Variants in PARD3 observed in about 807,000 individuals in gnomAD.
The protein encoded by PARD3 is partitioning defective 3 homolog.
Under a neutral mutation model 155.4 loss-of-function variants are expected in PARD3, and 75 were observed. The observed-to-expected ratio is 0.48, with a 90% CI of 0.40 to 0.58. The LOEUF (loss-of-function observed/expected upper bound fraction) is 0.58, where lower values mean the gene tolerates loss of function less well. PARD3 is among the 20% of genes least tolerant of loss of function. PARD3 has a pLI of 0.00. For synonymous variants in PARD3, 576 were observed against 610.5 expected (o/e 0.94, Z 0.83); for missense variants, 1,642 against 1,721.7 (o/e 0.95, Z 0.82).
intron 12 of PARD3, among the ~76,000 whole-genome samples, chr10:34,365,063 T>TA (rs996379036): frequency 3.3e-5 from 5 of 152,312 alleles, no homozygotes; most frequent in African/African-American, 1.2e-4. Flanking sequence ...CTGGTGAATG[T>TA]AAAAAAATGG....
At chr10:34,297,276 C>G (rs1956952597) in intron 20 of PARD3, among the ~76,000 whole-genome samples, 1 of 152,214 alleles carries the variant, frequency 6.6e-6, no homozygotes, top group South Asian at 2.1e-4. Flanking sequence ...GCACTTCAGT[C>G]TCAGTGACAA....
chr10:34,276,549 C>T (rs1386643049), intron 21 of PARD3, among the ~76,000 whole-genome samples: 2 of 152,096 alleles, frequency 1.3e-5, no homozygotes, highest in Non-Finnish European at 2.9e-5. Flanking sequence ...TTTGCTTTTA[C>T]AATAAATGGC....
intron 9 of PARD3, among the ~76,000 whole-genome samples, chr10:34,382,094 C>T (rs1841921994): frequency 6.6e-6 from 1 of 152,130 alleles, no homozygotes; most frequent in Non-Finnish European, 1.5e-5. Context: ...TCCCTCCCCA[C>T]ATCAAATACT....
chr10:34,665,381 G>A (rs777042171), intron 2 of PARD3, among the ~76,000 whole-genome samples: 1 of 151,700 alleles, frequency 6.6e-6, no homozygotes, highest in Admixed American at 6.6e-5. Context: ...ATAGCCAGGC[G>A]TGGTGGCACA....
At chr10:34,607,091 T>C (rs1174924910) in intron 2 of PARD3, among the ~76,000 whole-genome samples, 1 of 151,462 alleles carries the variant, frequency 6.6e-6, no homozygotes, top group African/African-American at 2.4e-5. Flanking sequence ...TCAGCACAAA[T>C]CTTAATCTTT....
At chr10:34,571,309 G>A (rs903918850) in intron 2 of PARD3, among the ~76,000 whole-genome samples, 14 of 152,182 alleles carry the variant, frequency 9.2e-5, no homozygotes, top group Non-Finnish European at 1.8e-4. Context: ...GGAAGACCCC[G>A]TCTTAAAAAC....
At chr10:34,255,609 C>T (rs571943875) in intron 22 of PARD3, among the ~76,000 whole-genome samples, 1 of 152,312 alleles carries the variant, frequency 6.6e-6, no homozygotes, top group South Asian at 2.1e-4. Context: ...GGTTGTCATG[C>T]AGATTTATCT....
intron 5 of PARD3, among the ~76,000 whole-genome samples, chr10:34,403,679 T>A (rs956385290): frequency 1.3e-5 from 2 of 152,176 alleles, no homozygotes; most frequent in African/African-American, 2.4e-5. Flanking sequence ...TGAGAGGCTC[T>A]AATATGTACT....
intron 3 of PARD3, among the ~76,000 whole-genome samples, chr10:34,480,238 C>T (rs2078987842): frequency 1.3e-5 from 2 of 152,146 alleles, no homozygotes. Flanking sequence ...CCTTGCTTCT[C>T]CTTTTTTGTC....
intron 18 of PARD3, among the ~76,000 whole-genome samples, chr10:34,333,577 T>C (rs994627062): frequency 5.9e-5 from 9 of 152,152 alleles, no homozygotes; most frequent in Admixed American, 5.2e-4. Flanking sequence ...TGAAAACTTT[T>C]ACAATAAAAA....
At chr10:34,405,079 AACACACAC>A (rs200596601) in intron 5 of PARD3, among the ~76,000 whole-genome samples, 24 of 59,444 alleles carry the variant, frequency 4.0e-4, no homozygotes, top group South Asian at 1.3e-3. Flanking sequence ...CACAAACACA[AACACACAC>A]ACACACACAC....
chr10:34,197,713 C>A (rs1279819267), intron 22 of PARD3, among the ~76,000 whole-genome samples: 1 of 152,200 alleles, frequency 6.6e-6, no homozygotes, highest in Non-Finnish European at 1.5e-5. Flanking sequence ...TTTGCTCCTA[C>A]TGCAGGAGGT....
chr10:34,433,393 T>C (rs1195130765), intron 5 of PARD3, among the ~76,000 whole-genome samples: 1 of 152,208 alleles, frequency 6.6e-6, no homozygotes, highest in East Asian at 1.9e-4. Flanking sequence ...AAATACATTA[T>C]TTTATTTGAA....
At chr10:34,662,601 G>A (rs1183704317) in intron 2 of PARD3, among the ~76,000 whole-genome samples, 2 of 152,180 alleles carry the variant, frequency 1.3e-5, no homozygotes, top group Admixed American at 6.5e-5. Context: ...AGCCAGGTGC[G>A]ATGGCTCGCA....
intron 16 of PARD3, among the ~76,000 whole-genome samples, chr10:34,339,088 TATG>T (rs1564603190): frequency 6.6e-6 from 1 of 152,148 alleles, no homozygotes; most frequent in East Asian, 1.9e-4. Flanking sequence ...TCAAAACCCA[TATG>T]ATAAGAAATA....
intron 22 of PARD3, among the ~76,000 whole-genome samples, chr10:34,198,351 A>T (rs1951046366): frequency 6.6e-6 from 1 of 152,142 alleles, no homozygotes; most frequent in Non-Finnish European, 1.5e-5. Context: ...GTGACTCAGC[A>T]AAAGACAGAT....
chr10:34,616,549 C>A (rs2091269743), intron 2 of PARD3, among the ~76,000 whole-genome samples: 1 of 152,094 alleles, frequency 6.6e-6, no homozygotes, highest in South Asian at 2.1e-4. Flanking sequence ...ACTATTCAGG[C>A]AACATGAATG....
chr10:34,173,455 A>G (rs1195723051), intron 22 of PARD3, among the ~76,000 whole-genome samples: 3 of 152,162 alleles, frequency 2.0e-5, no homozygotes, highest in Non-Finnish European at 4.4e-5. Flanking sequence ...AACACATGTA[A>G]TACTTATCCA....
chr10:34,306,437 G>A (rs1957413033), intron 20 of PARD3, among the ~76,000 whole-genome samples: 1 of 152,066 alleles, frequency 6.6e-6, no homozygotes, highest in Non-Finnish European at 1.5e-5. Flanking sequence ...GGATCACAAG[G>A]TCAGGAGTTT....
Sources: allele counts gnomAD v4.1 joint callset (sites outside exome capture counted in the v4.1 genomes callset), GRCh38; gene constraint gnomAD v4.1.1; transcripts MANE v1.5; gene names NCBI Gene and HGNC (gene_info 2026-07-23, HGNC 2026-07-21).